Variants in BIN3 observed in about 807,000 individuals in gnomAD.
The protein encoded by BIN3 is bridging integrator 3.
BIN3 carries 41 observed loss-of-function variants against 38.2 expected under a neutral mutation model. The ratio of observed to expected loss-of-function variants is 1.07; its 90% CI spans 0.84 to 1.39. The LOEUF is 1.39. Among genes scored for constraint, BIN3 ranks in the 40% most tolerant of loss-of-function variants. BIN3 has a pLI of 0.00. For missense variants in BIN3, 361 were observed against 324.3 expected, an observed-to-expected ratio of 1.11 and a Z score of -0.87; for synonymous variants, 145 against 122.6, an observed-to-expected ratio of 1.18 and a Z score of -1.21.
intron 1 of BIN3, among the ~76,000 whole-genome samples, chr8:22,651,079 C>T (rs1001177722): frequency 6.6e-6 from 1 of 152,136 alleles, no homozygotes; most frequent in Non-Finnish European, 1.5e-5. Context: ...CCAGCTATGC[C>T]ACTCCCAAAT....
At chr8:22,628,406 G>A (rs906006235) in intron 6 of BIN3, among the ~76,000 whole-genome samples, 4 of 152,312 alleles carry the variant, frequency 2.6e-5, no homozygotes, top group East Asian at 1.9e-4. Context: ...TAGGCTGCGC[G>A]GTTTTATGTG....
intron 6 of BIN3, among the ~76,000 whole-genome samples, chr8:22,628,594 T>C (rs1413249596): frequency 6.6e-6 from 1 of 152,164 alleles, no homozygotes; most frequent in Non-Finnish European, 1.5e-5. Flanking sequence ...GGGGTTTCTC[T>C]CCATTTGGGC....
chr8:22,662,096 A>G (rs915531529), intron 1 of BIN3, among the ~76,000 whole-genome samples: 3 of 152,184 alleles, frequency 2.0e-5, no homozygotes, highest in African/African-American at 4.8e-5. Context: ...CGCCCGGCCC[A>G]TAACATATCA....
chr8:22,621,441 G>C lies in BIN3; in HGVS notation c.743C>G (p.Ser248Cys), dbSNP rs1383722842. 1.2e-6 allele frequency: 2 copies of C among 1,613,582 alleles called. No homozygotes were observed. The highest frequency in any genetic ancestry group is 8.5e-7 in the Non-Finnish European group (1 of 1,179,780). ...EAKLSELRAL[S>C]IVADD ...GGGGATTCAGTCATCGGCCACAATG[G>C]AGAGGGCCCGGAGCTCACTGAGTTT... is the stretch of plus-strand genomic sequence containing the variant. Residue 248 changes from serine (S) to cysteine (C), a missense_variant, in exon 9 of 9, where the codon TCC (serine) becomes TGC (cysteine). Coordinates refer to ENST00000276416, the MANE Select transcript of BIN3 (RefSeq NM_018688.6).
At chr8:22,641,498 T>C (rs35477079) in intron 2 of BIN3, among the ~76,000 whole-genome samples, 2,349 of 152,274 alleles carry the variant, frequency 0.015, 56 homozygotes, top group African/African-American at 0.052. Flanking sequence ...GCTGGGGCAC[T>C]GATCCCAGGG....
At chr8:22,640,230 C>T (rs562887465) in intron 2 of BIN3, among the ~76,000 whole-genome samples, 21 of 151,264 alleles carry the variant, frequency 1.4e-4, no homozygotes, top group African/African-American at 3.9e-4. Flanking sequence ...CAGACTGGAG[C>T]GCGGTGGCAC....
chr8:22,663,315 T>TA (rs1270198775), intron 1 of BIN3, among the ~76,000 whole-genome samples: 3 of 151,534 alleles, frequency 2.0e-5, no homozygotes, highest in Non-Finnish European at 4.4e-5. Flanking sequence ...CTAACACTTA[T>TA]AGTCCCAGCC....
At chr8:22,623,541 T>A (rs1204111192) in intron 8 of BIN3, among the ~76,000 whole-genome samples, 1 of 152,140 alleles carries the variant, frequency 6.6e-6, no homozygotes, top group Non-Finnish European at 1.5e-5. Flanking sequence ...AGAAAAGGCC[T>A]CCATTCTCCA....
At chr8:22,622,544 T>A (rs1801859295) in intron 8 of BIN3, 1 of 152,282 alleles carries the variant, frequency 6.6e-6, no homozygotes. Context: ...TACTCACTTC[T>A]CCATGACTAA....
chr8:22,624,188 TG>T (rs1801934554), intron 7 of BIN3, 33 bp downstream of exon 7: 1 of 1,602,998 alleles, frequency 6.2e-7, no homozygotes, highest in African/African-American at 1.3e-5. Flanking sequence ...ATGGCCCACC[TG>T]TCTAGCCCCT....
At chr8:22,649,859 C>CACACACACACATACACACACA (rs1563973928) in intron 1 of BIN3, among the ~76,000 whole-genome samples, 4 of 133,652 alleles carry the variant, frequency 3.0e-5, no homozygotes, top group African/African-American at 1.3e-4. Flanking sequence ...ACACACACAC[C>CACACACACACATACACACACA]CCCAAAGGAA....
chr8:22,630,678 A>T lies in BIN3; in HGVS notation c.161-100T>A, dbSNP rs1343215572. On this transcript the variant is annotated intron_variant, in intron 4 of 8. Transcript: ENST00000276416. Reference sequence around the variant, plus strand: ...TCCTATGCCAGGGGCCTGCACCCTGAAGACCTCTTCCCACAGCCACGGCCG... The same window carrying T: ...TCCTATGCCAGGGGCCTGCACCCTGTAGACCTCTTCCCACAGCCACGGCCG... 4.3e-6 allele frequency: 6 copies of T among 1,392,274 alleles called. No homozygotes were observed. In the Admixed American group the frequency reaches 1.3e-4, roughly 31 times the overall value. The allele number at this position is 1,392,274 out of a possible 1,614,324, so 86.2% of individuals were successfully genotyped here. A position where few individuals can be genotyped will look rare whatever the true frequency, so the allele number is the denominator to read the frequency against.
intron 2 of BIN3, among the ~76,000 whole-genome samples, chr8:22,640,937 T>G (rs1259895551): frequency 6.6e-6 from 1 of 152,178 alleles, no homozygotes; most frequent in Non-Finnish European, 1.5e-5. Flanking sequence ...GAGAGGAGTT[T>G]GGACACATTT....
chr8:22,643,920 G>A (rs773857865), intron 2 of BIN3, among the ~76,000 whole-genome samples: 4 of 152,240 alleles, frequency 2.6e-5, no homozygotes, highest in Non-Finnish European at 5.9e-5. Context: ...TGTGGGTCAG[G>A]AGGTTGAAAA....
Position 22,644,783 on chromosome 8 carries a change from T to G in BIN3, c.29A>C (p.Gln10Pro), listed in dbSNP as rs763617828. MSWIPFKIG[Q>P]PKKQIVPKTV... ...TTTGGGCACAATCTGTTTCTTGGGC[T>G]GCCCAATCTTAAAAGGAATCCTATA... The change falls in exon 2 of 9, where the codon CAG becomes CCG. Residue 10 changes from glutamine (Q) to proline (P), a missense_variant. Gln to Pro is a moderately conservative substitution (Grantham distance 76). Transcript: ENST00000276416. 8.7e-6 allele frequency: 14 copies of G among 1,611,686 alleles called. No homozygotes were observed. The highest frequency in any genetic ancestry group is 1.2e-5 in the Non-Finnish European group (14 of 1,178,764).
chr8:22,636,851 C>T (rs1208697965), intron 3 of BIN3, 71 bp downstream of exon 3: 16 of 1,522,066 alleles, frequency 1.1e-5, no homozygotes, highest in Non-Finnish European at 1.5e-5. Context: ...ACGGGGCAGA[C>T]AGGTGAGACC....
chr8:22,639,782 G>A lies in BIN3; in HGVS notation c.58-2820C>T, dbSNP rs187520983. ...AAGCACACAGGAAACTAGCAGCCAG[G>A]GAAACCCTGATGTTGGTTAAGGGTG... On this transcript the variant is annotated intron_variant, in intron 2 of 8. Transcript: ENST00000276416. 4.9e-4 allele frequency among the ~76,000 whole-genome samples: 74 copies of A among 152,320 alleles called. No individual in the cohort carries two copies. In the East Asian group the frequency reaches 6.7e-3, roughly 14 times the overall value.
In BIN3 at chr8:22,633,355, C is replaced by T. The variant is rs535130997; in HGVS notation, c.161-2777G>A. ...TCCATGCCCCTCTGGACCTGTGGTC[C>T]CTGCCCCAGCCCATACCCCTCATTG... On this transcript the variant is annotated intron_variant, in intron 4 of 8. Coordinates refer to ENST00000276416, the MANE Select transcript of BIN3 (RefSeq NM_018688.6). Among the ~76,000 whole-genome samples the T allele has an allele frequency of 2.0e-5, 3 of 152,304 alleles. No homozygotes were observed. In the South Asian group the frequency reaches 6.2e-4, roughly 32 times the overall value.
At chr8:22,629,530 C>A (rs1449288703) in intron 6 of BIN3, among the ~76,000 whole-genome samples, 1 of 152,256 alleles carries the variant, frequency 6.6e-6, no homozygotes, top group African/African-American at 2.4e-5. Flanking sequence ...CGGCCACCCC[C>A]ACGTTTCCAG....
Sources: gnomAD v4.1 joint callset for allele counts (sites outside exome capture counted in the v4.1 genomes callset) on GRCh38, gnomAD v4.1.1 for gene constraint, MANE v1.5 for transcripts, NCBI Gene and HGNC (gene_info 2026-07-23, HGNC 2026-07-21) for gene names.